Variants in TASOR2 observed in about 807,000 individuals in gnomAD.
The protein encoded by TASOR2 is protein TASOR 2.
TASOR2 carries 84 observed loss-of-function variants against 199.5 expected under a neutral mutation model. That is an observed-to-expected ratio of 0.42 (90% confidence interval 0.35 to 0.50). The LOEUF (loss-of-function observed/expected upper bound fraction) is 0.50, where lower values mean the gene tolerates loss of function less well. TASOR2 is among the 20% of genes least tolerant of loss of function. The pLI, the probability that TASOR2 is intolerant of heterozygous loss-of-function variation, is 0.02. For missense variants in TASOR2, 2,796 were observed against 2,835.9 expected (o/e 0.99, Z 0.32); for synonymous variants, 1,103 against 1,046.6 (o/e 1.05, Z -1.04).
intron 12 of TASOR2, 103 bp from the exon 14 acceptor site, chr10:5,739,515 A>C: frequency 9.0e-7 from 1 of 1,105,920 alleles, no homozygotes; most frequent in Non-Finnish European, 1.3e-6. Context: ...TATGTTACAT[A>C]AGTTTTTCTC....
rs1041358513 is a variant in TASOR2, at chr10:5,712,517, A to G, written c.-287-306A>G. 4 of 1,231,582 alleles carry G rather than the reference A, an allele frequency of 3.2e-6. No homozygotes were observed. The African/African-American group carries it at 6.2e-5, about 19-fold the overall frequency. The allele number at this position is 1,231,582 out of a possible 1,614,324, so 76.3% of individuals were successfully genotyped here. A position where few individuals can be genotyped will look rare whatever the true frequency, so the allele number is the denominator to read the frequency against. On this transcript the variant is annotated intron_variant, in intron 1 of 20. Coordinates refer to ENST00000328090, the Ensembl canonical transcript of TASOR2. Reference sequence around the variant, plus strand: ...CAGTACAGTCAAGTGACTTTGGTGAAAAATGACATTTTCTTAAATGAGGTG... The same window carrying G: ...CAGTACAGTCAAGTGACTTTGGTGAGAAATGACATTTTCTTAAATGAGGTG...
chr10:5,748,704 A>G lies in TASOR2; in HGVS notation c.5283A>G (p.Ala1761=), dbSNP rs1460881198. Residue 1761 remains alanine, a synonymous_variant, in exon 15 of 21, where the codon GCA becomes GCG. Transcript: ENST00000328090. This position sits in a 1 kb window ranked among gnomAD's most constrained non-coding sequence, Gnocchi z 5.1. The stretch of plus-strand genomic sequence containing the variant: ...GTGCTGGTCCCTACCAAAATACAGC[A>G]GACACCAAGGAAAACCTCAGTAAAG... The G allele has an allele frequency of 1.2e-6, 2 of 1,614,128 alleles. No individual in the cohort carries two copies. Among genetic ancestry groups the G allele is most frequent in the Non-Finnish European group, 1.7e-6 (2 of 1,180,050 alleles).
In TASOR2 at chr10:5,724,668, T is replaced by G. The variant is rs181390978; in HGVS notation, c.351+135T>G. ...AGATAGATAGATATAGATATAGATA[T>G]ATAGATATAGATCGATATAGATATA... On this transcript the variant is annotated intron_variant, in intron 8 of 20. Coordinates refer to ENST00000328090, the Ensembl canonical transcript of TASOR2. The G allele has an allele frequency of 3.3e-5, 6 of 182,946 alleles. No homozygotes were observed. In the East Asian group the frequency reaches 9.1e-4, roughly 28 times the overall value. The allele number at this position is 182,946 out of a possible 1,614,324, so 11.3% of individuals were successfully genotyped here.
exon 15 of TASOR2, chr10:5,747,438 T>C (rs182459442): frequency 2.1e-5 from 34 of 1,614,176 alleles, no homozygotes; most frequent in Middle Eastern, 3.3e-4. Flanking sequence ...AAGTGAGTTC[T>C]GCTGACAATG....
intron 1 of TASOR2, among the ~76,000 whole-genome samples, chr10:5,709,195 G>A (rs963701525): frequency 7.2e-5 from 11 of 152,022 alleles, no homozygotes; most frequent in Admixed American, 1.3e-4. Context: ...GCTTGATTCC[G>A]TTATTTTCAA....
chr10:5,685,505 T>C lies in TASOR2; in HGVS notation c.-288+330T>C, dbSNP rs1835711173. ...AGGGATATGCTGATAAGTTCTTGGCTGAAGTTTCCGTCTTCGGGTTTGCAC... is the reference window on the plus strand; with the variant it reads ...AGGGATATGCTGATAAGTTCTTGGCCGAAGTTTCCGTCTTCGGGTTTGCAC... On this transcript the variant is annotated intron_variant, in intron 1 of 20. Coordinates refer to ENST00000328090, the Ensembl canonical transcript of TASOR2. The surrounding 1 kb of genome is among the most constrained non-coding windows in gnomAD (Gnocchi z 5.4). 6.6e-6 allele frequency among the ~76,000 whole-genome samples: 1 copy of C among 152,198 alleles called. No homozygotes were observed. The highest frequency in any genetic ancestry group is 2.4e-5 in the African/African-American group (1 of 41,450).
At chr10:5,739,850 C>T in exon 13 of TASOR2, 2 of 1,614,162 alleles carry the variant, frequency 1.2e-6, no homozygotes, top group Non-Finnish European at 1.7e-6. Flanking sequence ...TTCACTGTTC[C>T]TCTGAATTGC....
intron 11 of TASOR2, among the ~76,000 whole-genome samples, chr10:5,734,722 T>A (rs1835317856): frequency 7.8e-6 from 1 of 128,684 alleles, no homozygotes; most frequent in Non-Finnish European, 1.6e-5. Context: ...GAAGATTTTT[T>A]TTTTTTTTTT....
In TASOR2 at chr10:5,724,442, A is replaced by AT; in HGVS notation, c.263dup (p.Leu88PhefsTer7). ...GTTTTCTCTACAGTCTGTTTTCAAG[A>AT]TTTGTGCTTCAATTTGTATGAGGTA... On this transcript the variant is annotated frameshift_variant, in exon 8 of 21. Transcript: ENST00000328090. LOFTEE classifies it high-confidence loss of function. 6.5e-7 allele frequency: 1 copy of AT among 1,532,656 alleles called. No individual in the cohort carries two copies. Among genetic ancestry groups the AT allele is most frequent in the Non-Finnish European group, 8.8e-7 (1 of 1,140,916 alleles). 94.9% of individuals were successfully genotyped at this position (1,532,656 alleles called of 1,614,324 possible).
In TASOR2 at chr10:5,710,170, A is replaced by G. The variant is rs372853307; in HGVS notation, c.-287-2653A>G. 2.7e-4 allele frequency among the ~76,000 whole-genome samples: 41 copies of G among 152,204 alleles called. No homozygotes were observed. Among genetic ancestry groups the G allele is most frequent in the African/African-American group, 4.3e-4 (18 of 41,542 alleles). On this transcript the variant is annotated intron_variant, in intron 1 of 20. Coordinates refer to ENST00000328090, the Ensembl canonical transcript of TASOR2. The surrounding 1 kb of genome is among the most constrained non-coding windows in gnomAD (Gnocchi z 4.6). ...ATTTTGTAAAGAAGGGAGAGCGTCA[A>G]ATTTCTAGATGAAATTTTCATCTGT...
At chr10:5,713,983 T>C in intron 2 of TASOR2, 152 bp from the exon 3 acceptor site, 1 of 386,310 alleles carries the variant, frequency 2.6e-6, no homozygotes, top group Non-Finnish European at 4.4e-6. Context: ...GGAGGATTGC[T>C]TGAGCCCAGG....
chr10:5,740,579 A>G lies in TASOR2; in HGVS notation c.2327+82A>G, dbSNP rs1310673193. 8 of 1,395,236 alleles carry G rather than the reference A, an allele frequency of 5.7e-6. No homozygotes were observed. The African/African-American group carries it at 1.0e-4, about 18-fold the overall frequency. The allele number at this position is 1,395,236 out of a possible 1,614,324, so 86.4% of individuals were successfully genotyped here. ...TAGTGAGATGGGGAAACTTATGCCA[A>G]ACTCTGGAGAAGGAGAAAGAAGTGT... is the stretch of plus-strand genomic sequence containing the variant. On this transcript the variant is annotated intron_variant, in intron 13 of 20. Coordinates refer to ENST00000328090, the Ensembl canonical transcript of TASOR2. The surrounding 1 kb of genome is among the most constrained non-coding windows in gnomAD (Gnocchi z 5.3).
rs1242851507 is a variant in TASOR2 at position 5,748,364 on chromosome 10, A to C, written c.4943A>C (p.Gln1648Pro). 6.2e-7 allele frequency: 1 copy of C among 1,614,136 alleles called. No homozygotes were observed. The highest frequency in any genetic ancestry group is 8.5e-7 in the Non-Finnish European group (1 of 1,180,054). ...TCGGTTGATGGAGCTTATTCTACAC[A>C]GGGATGCATGTGCTCAGTGGTCCCC... is the stretch of plus-strand genomic sequence containing the variant. The change falls in exon 15 of 21, where the codon CAG becomes CCG. Residue 1648 changes from glutamine (Q) to proline (P), a missense_variant. This residue lies in a region of TASOR2 where 1,941 missense variants were observed against 1,924.9 expected (regional missense o/e 1.01). Coordinates refer to ENST00000328090, the Ensembl canonical transcript of TASOR2. This position sits in a 1 kb window ranked among gnomAD's most constrained non-coding sequence, Gnocchi z 5.1.
At chr10:5,692,798 A>G (rs1270830583) in intron 1 of TASOR2, 2 of 152,044 alleles carry the variant, frequency 1.3e-5, no homozygotes, top group Admixed American at 6.5e-5. Context: ...CGCGCCCTAC[A>G]CGCTCAGCAC....
At position 5,727,215 on chromosome 10, in the gene TASOR2, A is replaced by C. The variant is rs536888990; in HGVS notation, c.487+92A>C. The C allele has an allele frequency of 1.1e-5, 15 of 1,355,378 alleles. No homozygotes were observed. The South Asian group carries it at 1.7e-4, about 15-fold the overall frequency. The allele number at this position is 1,355,378 out of a possible 1,614,324, so 84.0% of individuals were successfully genotyped here. On this transcript the variant is annotated intron_variant, in intron 10 of 20. Coordinates refer to ENST00000328090, the Ensembl canonical transcript of TASOR2. The stretch of plus-strand genomic sequence containing the variant: ...CTCTCAGCAGCACGTGACACTGTTG[A>C]CTGTTTTTTCCTCTTAAATACCTCT...
At position 5,727,236 on chromosome 10, in the gene TASOR2, C is replaced by T. The variant is rs113580790; in HGVS notation, c.487+113C>T. The T allele has an allele frequency of 2.0e-3, 2,140 of 1,087,224 alleles. 38 individuals carry two copies. The African/African-American group carries it at 0.029, about 15-fold the overall frequency. 67.3% of individuals were successfully genotyped at this position (1,087,224 alleles called of 1,614,324 possible). ...GTTGACTGTTTTTTCCTCTTAAATACCTCTTTTCTTAACATCACTGGTTCA... is the reference window on the plus strand; with the variant it reads ...GTTGACTGTTTTTTCCTCTTAAATATCTCTTTTCTTAACATCACTGGTTCA... On this transcript the variant is annotated intron_variant, in intron 10 of 20. Transcript: ENST00000328090.
chr10:5,741,387 T>C (rs1028049065), intron 13 of TASOR2, among the ~76,000 whole-genome samples: 3 of 152,246 alleles, frequency 2.0e-5, no homozygotes, highest in African/African-American at 7.2e-5. Context: ...CACATCTGAC[T>C]ATATGGACTC....
At chr10:5,743,369 CTG>C (rs1836702869) in intron 14 of TASOR2, among the ~76,000 whole-genome samples, 1 of 152,168 alleles carries the variant, frequency 6.6e-6, no homozygotes. Context: ...TTCTGGGTCA[CTG>C]TGTGCCAGAA....
intron 1 of TASOR2, among the ~76,000 whole-genome samples, chr10:5,704,875 G>A (rs1322920811): frequency 6.6e-6 from 1 of 151,980 alleles, no homozygotes; most frequent in Non-Finnish European, 1.5e-5. Context: ...AACTTTTTAT[G>A]GTTACATTGT....
Sources: allele counts gnomAD v4.1 joint callset (sites outside exome capture counted in the v4.1 genomes callset), GRCh38; gene constraint gnomAD v4.1.1; regional missense constraint gnomAD v4.1.1; non-coding constraint Gnocchi (gnomAD v3.1); transcripts MANE v1.5; gene names NCBI Gene and HGNC (gene_info 2026-07-23, HGNC 2026-07-21).